Variants in APIP observed in about 807,000 individuals in gnomAD.
APIP encodes APAF1 interacting protein.
A neutral mutation model predicts 32.0 loss-of-function variants in APIP; 32 were observed. The ratio of observed to expected loss-of-function variants is 1.00; its 90% CI spans 0.76 to 1.34. The LOEUF is 1.34. Among genes scored for constraint, APIP ranks in the 40% most tolerant of loss-of-function variants. The pLI, the probability that APIP is intolerant of heterozygous loss-of-function variation, is 0.00. For synonymous variants in APIP, 92 were observed against 94.8 expected (o/e 0.97, Z 0.17); for missense variants, 247 against 298.6 (o/e 0.83, Z 1.27).
intron 2 of APIP, among the ~76,000 whole-genome samples, chr11:34,891,531 T>C (rs997037090): frequency 6.6e-6 from 1 of 152,154 alleles, no homozygotes; most frequent in Non-Finnish European, 1.5e-5. Flanking sequence ...AAACATTTCA[T>C]AGTGTAAATG....
chr11:34,901,423 G>A (rs917825630), intron 1 of APIP, among the ~76,000 whole-genome samples: 2 of 151,954 alleles, frequency 1.3e-5, no homozygotes, highest in Admixed American at 1.3e-4. Context: ...TAGCTCCAGC[G>A]ACTCAGACTG....
intron 1 of APIP, chr11:34,896,904 A>C: frequency 9.9e-7 from 1 of 1,010,782 alleles, no homozygotes; most frequent in Non-Finnish European, 1.3e-6. Flanking sequence ...CAGGAAACCT[A>C]ATGAAAAATC....
At chr11:34,887,344 C>T (rs1340470074) in intron 5 of APIP, among the ~76,000 whole-genome samples, 2 of 152,318 alleles carry the variant, frequency 1.3e-5, no homozygotes, top group East Asian at 3.9e-4. Flanking sequence ...TCTCCTTCAG[C>T]CCCAGATATG....
chr11:34,897,276 T>C (rs879696939), intron 1 of APIP, among the ~76,000 whole-genome samples: 1 of 152,254 alleles, frequency 6.6e-6, no homozygotes, highest in Non-Finnish European at 1.5e-5. Context: ...TGGAGTTAGC[T>C]GACTTAAAAG....
At chr11:34,915,046 T>C (rs200670193) in intron 1 of APIP, among the ~76,000 whole-genome samples, 2 of 134,958 alleles carry the variant, frequency 1.5e-5, no homozygotes, top group East Asian at 4.6e-4. Context: ...AAATTTTTCA[T>C]GAACATTGAG....
chr11:34,903,677 C>T (rs1853400326), intron 1 of APIP, among the ~76,000 whole-genome samples: 1 of 152,190 alleles, frequency 6.6e-6, no homozygotes, highest in Non-Finnish European at 1.5e-5. Flanking sequence ...GCAGCTAAAT[C>T]AGTGGCAAGG....
chr11:34,916,253 C>T lies in APIP; in HGVS notation c.32G>A (p.Cys11Tyr), dbSNP rs758274248. The part of the protein sequence containing the change: MSGCDAREGD[C>Y]CSRRCGAQDK... ...CTGCGCGCCGCATCTCCGGGAACAACAGTCTCCCTCCCGAGCATCACAGCC... is the reference window on the plus strand; with the variant it reads ...CTGCGCGCCGCATCTCCGGGAACAATAGTCTCCCTCCCGAGCATCACAGCC... The change falls in exon 1 of 7, where the codon TGT (cysteine) becomes TAT (tyrosine). Residue 11 changes from cysteine to tyrosine, a missense_variant. Transcript: ENST00000395787. 6.2e-7 allele frequency: 1 copy of T among 1,612,598 alleles called. No individual in the cohort carries two copies. Among genetic ancestry groups the T allele is most frequent in the Admixed American group, 1.7e-5 (1 of 59,976 alleles).
At chr11:34,904,628 A>G (rs1402166727) in intron 1 of APIP, among the ~76,000 whole-genome samples, 7 of 152,152 alleles carry the variant, frequency 4.6e-5, no homozygotes, top group South Asian at 2.1e-4. Context: ...CAAAAGCCCA[A>G]CCCCAGGAAA....
intron 4 of APIP, 104 bp from the exon 5 acceptor site, chr11:34,888,532 G>A (rs1853124692): frequency 1.4e-6 from 2 of 1,470,884 alleles, no homozygotes; most frequent in Admixed American, 2.5e-5. Context: ...ATGGTTATGG[G>A]CTTATTTTTC....
intron 1 of APIP, among the ~76,000 whole-genome samples, chr11:34,897,479 T>C (rs912777620): frequency 1.4e-4 from 21 of 151,122 alleles, no homozygotes; most frequent in African/African-American, 5.2e-4. Flanking sequence ...AGCAAAACTA[T>C]TATAGGAGTT....
intron 1 of APIP, among the ~76,000 whole-genome samples, chr11:34,911,192 T>A (rs1231041429): frequency 6.6e-6 from 1 of 151,880 alleles, no homozygotes; most frequent in Non-Finnish European, 1.5e-5. Context: ...GAATGGGATG[T>A]TAGAGTGAGG....
intron 5 of APIP, among the ~76,000 whole-genome samples, chr11:34,884,677 T>A (rs1438214699): frequency 1.3e-5 from 2 of 150,908 alleles, no homozygotes; most frequent in African/African-American, 4.9e-5. Flanking sequence ...TAAGACAAGA[T>A]CGAGACACTA....
At chr11:34,890,969 C>T (rs190643517) in intron 2 of APIP, among the ~76,000 whole-genome samples, 1 of 152,190 alleles carries the variant, frequency 6.6e-6, no homozygotes, top group East Asian at 1.9e-4. Context: ...ATATTTCTGT[C>T]ATGCAAAGAA....
rs182040127 is a variant in APIP, at chr11:34,895,505, T to C, written c.58-395A>G. ...CCTTATTTAACTAGGTTTGATGATA[T>C]ATACATGAGATATTATGATAGTTAC... On this transcript the variant is annotated intron_variant, in intron 1 of 6. Coordinates refer to ENST00000395787, the MANE Select transcript of APIP (RefSeq NM_015957.4). 5.8e-4 allele frequency among the ~76,000 whole-genome samples: 89 copies of C among 152,364 alleles called. 1 individual carries two copies. Among genetic ancestry groups the C allele is most frequent in the South Asian group, 3.9e-3 (19 of 4,832 alleles).
At chr11:34,892,444 T>A (rs1401454008) in intron 2 of APIP, among the ~76,000 whole-genome samples, 2 of 152,200 alleles carry the variant, frequency 1.3e-5, no homozygotes, top group African/African-American at 4.8e-5. Flanking sequence ...AGTTAAAAAA[T>A]AATTTAAATC....
intron 1 of APIP, chr11:34,896,844 C>T (rs1016327594): frequency 2.5e-5 from 32 of 1,278,040 alleles, no homozygotes; most frequent in Middle Eastern, 2.1e-4. Flanking sequence ...ATTTTGATAG[C>T]CATGTAAGCC....
chr11:34,911,425 C>T (rs1322183450), intron 1 of APIP, among the ~76,000 whole-genome samples: 3 of 152,128 alleles, frequency 2.0e-5, no homozygotes, highest in African/African-American at 7.2e-5. Flanking sequence ...GCTATACCTA[C>T]CACAGTGCTT....
intron 1 of APIP, 180 bp downstream of exon 1, chr11:34,916,048 C>A (rs1853674472): frequency 5.3e-6 from 4 of 760,024 alleles, no homozygotes; most frequent in East Asian, 2.8e-5. Context: ...TCTCCTGGGG[C>A]CTCGCAGCCT....
chr11:34,899,234 A>AT (rs200202770), intron 1 of APIP, among the ~76,000 whole-genome samples: 110 of 151,732 alleles, frequency 7.2e-4, no homozygotes, highest in Non-Finnish European at 1.1e-3. Context: ...CATGAGGCAC[A>AT]TTTTTTTTTC....
Sources: allele counts gnomAD v4.1 joint callset (sites outside exome capture counted in the v4.1 genomes callset), GRCh38; gene constraint gnomAD v4.1.1; transcripts MANE v1.5; gene names NCBI Gene and HGNC (gene_info 2026-07-23, HGNC 2026-07-21).